MYO10: variants seen among roughly 807,000 people sequenced by gnomAD.
MYO10 encodes unconventional myosin-X.
A neutral mutation model predicts 257.3 loss-of-function variants in MYO10; 133 were observed. The observed-to-expected ratio is 0.52, with a 90% confidence interval of 0.45 to 0.60. MYO10 has a LOEUF of 0.60. MYO10 is among the 20% of genes least tolerant of loss of function. MYO10 has a pLI of 0.00. For missense variants in MYO10, 2,399 were observed against 2,635.7 expected, an observed-to-expected ratio of 0.91 and a Z score of 1.97; for synonymous variants, 1,104 against 1,028.6, an observed-to-expected ratio of 1.07 and a Z score of -1.40.
At chr5:16,679,889 C>G (rs1053252968) in intron 33 of MYO10, 58 bp downstream of exon 33, 25 of 1,576,074 alleles carry the variant, frequency 1.6e-5, no homozygotes, top group Non-Finnish European at 1.9e-5. Flanking sequence ...TCTTGGTGCT[C>G]TAAGGGTAGA....
rs745809332 is a variant in MYO10 at position 16,701,148 on chromosome 5, G to A, written c.3247C>T (p.Pro1083Ser). The A allele has an allele frequency of 2.1e-5, 33 of 1,601,648 alleles. No individual in the cohort carries two copies. Among genetic ancestry groups the A allele is most frequent in the Non-Finnish European group, 2.6e-5 (31 of 1,174,432 alleles). The change falls in exon 25 of 41, where the codon CCC becomes TCC. Residue 1083 changes from proline (P) to serine (S), a missense_variant. This residue lies in a region of MYO10 where 1,820 missense variants were observed against 1,939.4 expected (regional missense o/e 0.94). Transcript: ENST00000513610. This position sits in a 1 kb window ranked among gnomAD's most constrained non-coding sequence, Gnocchi z 8.1. ...YCMPQNAGDL[P>S]SPDGDYDYDQ... ...TAGTCGTAGTCGCCGTCTGGGGAGG[G>A]CAAGTCCCCAGCGTTCTGGGGCATG...
rs561936805 is a variant in MYO10 at position 16,711,372 on chromosome 5, T to G, written c.1930-127A>C. On this transcript the variant is annotated intron_variant, in intron 19 of 40. Transcript: ENST00000513610. ...AAAACACATACGAGAATCTTGAACC[T>G]ACACAGAAATAGAGACTAGCACAGG... 6.1e-6 allele frequency: 6 copies of G among 987,818 alleles called. No individual in the cohort carries two copies. The South Asian group carries it at 1.0e-4, about 17-fold the overall frequency. 61.2% of individuals were successfully genotyped at this position (987,818 alleles called of 1,614,324 possible). A position where few individuals can be genotyped will look rare whatever the true frequency, so the allele number is the denominator to read the frequency against.
chr5:16,744,090 A>T (rs966633327), intron 19 of MYO10, among the ~76,000 whole-genome samples: 2 of 152,184 alleles, frequency 1.3e-5, no homozygotes, highest in Non-Finnish European at 2.9e-5. Flanking sequence ...AAACTTTTTT[A>T]AGGCTCCTTA....
chr5:16,676,840 T>TA (rs1462692659), intron 33 of MYO10, among the ~76,000 whole-genome samples: 4 of 152,178 alleles, frequency 2.6e-5, no homozygotes, highest in African/African-American at 7.2e-5. Context: ...CCTGTCTCTA[T>TA]AAAAAATAAG....
intron 3 of MYO10, among the ~76,000 whole-genome samples, chr5:16,814,138 T>A (rs1258421937): frequency 6.6e-6 from 1 of 152,134 alleles, no homozygotes; most frequent in Non-Finnish European, 1.5e-5. Flanking sequence ...AGAACTGTAA[T>A]CTTCATTTAT....
chr5:16,893,575 G>A (rs194138), intron 1 of MYO10, among the ~76,000 whole-genome samples: 39,210 of 149,020 alleles, frequency 0.26, 6,418 homozygotes, highest in Admixed American at 0.4. Context: ...CAGAGGTTGC[G>A]GTGAGCTGAG....
intron 1 of MYO10, among the ~76,000 whole-genome samples, chr5:16,932,946 A>G (rs1057322843): frequency 6.6e-6 from 1 of 152,144 alleles, no homozygotes; most frequent in Non-Finnish European, 1.5e-5. Flanking sequence ...TTTTGTAGAG[A>G]TGAGGTTTCA....
intron 4 of MYO10, among the ~76,000 whole-genome samples, chr5:16,784,291 A>G (rs1360475694): frequency 1.3e-5 from 2 of 152,232 alleles, no homozygotes; most frequent in African/African-American, 4.8e-5. Context: ...AGATGAGCTG[A>G]GGTTCAGCTG....
chr5:16,694,278 T>G, intron 27 of MYO10, 93 bp downstream of exon 27: 8 of 1,565,262 alleles, frequency 5.1e-6, no homozygotes, highest in Non-Finnish European at 6.9e-6. Context: ...TACAGGCTAC[T>G]GCCGCTGCAA....
chr5:16,762,115 TA>T lies in MYO10; in HGVS notation c.1588-3del, dbSNP rs746751894. ...GGGCTTCACATAAAAGTGGTTATTC[TA>T]AAAAAAAAAAAAAAAAAAAAAAAAA... On this transcript the variant is annotated splice_polypyrimidine_tract_variant and splice_region_variant and intron_variant, in intron 15 of 40. Transcript: ENST00000513610. 0.11 allele frequency: 63,823 copies of T among 561,996 alleles called. 132 individuals are homozygous for T. The highest frequency in any genetic ancestry group is 0.15 in the African/African-American group (4,386 of 29,738). 34.8% of individuals were successfully genotyped at this position (561,996 alleles called of 1,614,324 possible).
At chr5:16,671,687 G>T (rs933123943) in intron 37 of MYO10, 145 bp from the exon 38 acceptor site, 1 of 1,028,542 alleles carries the variant, frequency 9.7e-7, no homozygotes, top group Non-Finnish European at 1.4e-6. Context: ...TGGGGATAGA[G>T]GAATAAACAG....
At position 16,772,218 on chromosome 5, in the gene MYO10, C is replaced by T. The variant is rs927138261; in HGVS notation, c.931-3015G>A. ...CATGATCTCGGCTCACTACAACCTC[C>T]GCCTTCCGGGTTCAAGTGATTCTCC... On this transcript the variant is annotated intron_variant, in intron 9 of 40. Transcript: ENST00000513610. Among the ~76,000 whole-genome samples, 17 of 151,886 alleles carry T rather than the reference C, an allele frequency of 1.1e-4. No individual in the cohort carries two copies. The South Asian group carries it at 1.7e-3, about 15-fold the overall frequency.
At chr5:16,671,370 GT>G in intron 38 of MYO10, 51 bp downstream of exon 38, 9 of 1,601,866 alleles carry the variant, frequency 5.6e-6, no homozygotes, top group Non-Finnish European at 7.7e-6. Context: ...GTATTAACAG[GT>G]TTCACCCTTG....
intron 19 of MYO10, among the ~76,000 whole-genome samples, chr5:16,745,956 C>A (rs1283871781): frequency 6.6e-6 from 1 of 152,096 alleles, no homozygotes; most frequent in Non-Finnish European, 1.5e-5. Flanking sequence ...AGAGAGGGTT[C>A]TTGGATCTCA....
In MYO10 at chr5:16,683,930, G is replaced by A. The variant is rs1271130440; in HGVS notation, c.3996C>T (p.Thr1332=). 6.2e-7 allele frequency: 1 copy of A among 1,613,444 alleles called. No individual in the cohort carries two copies. Among genetic ancestry groups the A allele is most frequent in the Middle Eastern group, 1.6e-4 (1 of 6,062 alleles). ...CAGAATCAATCAGCCCCACATCCAA[G>A]GTGCCCTGGAAAAGAACAAAAAGTA... The part of the protein sequence containing the change: ...EQANPQNAVG[T]LDVGLIDSVC... The change falls in exon 30 of 41, where the codon ACC becomes ACT. Residue 1332 remains threonine (T), a synonymous_variant. Transcript: ENST00000513610.
intron 19 of MYO10, among the ~76,000 whole-genome samples, chr5:16,711,582 G>A (rs946669887): frequency 3.3e-5 from 5 of 152,130 alleles, no homozygotes; most frequent in African/African-American, 1.2e-4. Flanking sequence ...AGGAGTTTGA[G>A]ACCAGCCTGG....
intron 1 of MYO10, among the ~76,000 whole-genome samples, chr5:16,927,676 A>C (rs775940184): frequency 1.3e-5 from 2 of 152,188 alleles, no homozygotes; most frequent in Admixed American, 6.5e-5. Context: ...TTAATCCTTA[A>C]GAGCAGGCAG....
intron 2 of MYO10, among the ~76,000 whole-genome samples, chr5:16,852,979 G>A (rs1743851362): frequency 6.6e-6 from 1 of 152,082 alleles, no homozygotes; most frequent in Admixed American, 6.6e-5. Flanking sequence ...GTAGAACTAG[G>A]AATGAAATGG....
intron 1 of MYO10, among the ~76,000 whole-genome samples, chr5:16,928,567 C>G (rs371577109): frequency 6.6e-6 from 1 of 152,054 alleles, no homozygotes; most frequent in East Asian, 2.0e-4. Context: ...CTTTATGGGC[C>G]GGGCATGACG....
Sources: allele counts gnomAD v4.1 joint callset (sites outside exome capture counted in the v4.1 genomes callset), GRCh38; gene constraint gnomAD v4.1.1; regional missense constraint gnomAD v4.1.1; non-coding constraint Gnocchi (gnomAD v3.1); transcripts MANE v1.5; gene names NCBI Gene and HGNC (gene_info 2026-07-23, HGNC 2026-07-21).